Variants in SRGAP1 observed in about 807,000 individuals in gnomAD.
SRGAP1 encodes the protein SLIT-ROBO Rho GTPase activating protein 1, also known as SLIT-ROBO Rho GTPase-activating protein 1.
SRGAP1 carries 43 observed loss-of-function variants against 121.9 expected under a neutral mutation model. The ratio of observed to expected loss-of-function variants is 0.35; its 90% CI spans 0.28 to 0.46. The LOEUF is 0.46. Among genes scored for constraint, SRGAP1 ranks in the 20% least tolerant of loss-of-function variants. SRGAP1 has a pLI of 1.00. For missense variants in SRGAP1, 1,102 were observed against 1,350.9 expected (o/e 0.82, Z 2.89); for synonymous variants, 447 against 485.4 (o/e 0.92, Z 1.04).
intron 3 of SRGAP1, among the ~76,000 whole-genome samples, chr12:64,010,742 A>G (rs888466490): frequency 2.6e-5 from 4 of 152,092 alleles, no homozygotes; most frequent in African/African-American, 9.7e-5. Context: ...GACCATCTCA[A>G]TAAAACCCTG....
intron 1 of SRGAP1, among the ~76,000 whole-genome samples, chr12:63,927,337 C>T (rs1371836466): frequency 6.6e-6 from 1 of 152,212 alleles, no homozygotes; most frequent in Non-Finnish European, 1.5e-5. Flanking sequence ...CAGTCCCTGG[C>T]TGGCCCAGTC....
At chr12:64,024,836 A>C (rs2034618972) in intron 4 of SRGAP1, among the ~76,000 whole-genome samples, 1 of 152,138 alleles carries the variant, frequency 6.6e-6, no homozygotes, top group African/African-American at 2.4e-5. Flanking sequence ...AAACCACCAG[A>C]TCTCCTGAGA....
At position 64,147,155 on chromosome 12, in the gene SRGAP1, C is replaced by T. The variant is rs1412098741; in HGVS notation, c.*4483C>T. The T allele has an allele frequency of 4.5e-6, 1 of 221,668 alleles. No individual in the cohort carries two copies. Among genetic ancestry groups the T allele is most frequent in the Admixed American group, 5.8e-5 (1 of 17,214 alleles). The allele number at this position is 221,668 out of a possible 1,614,324, so 13.7% of individuals were successfully genotyped here. ...GGAGAGACTGCTGTTTACCTACGTA[C>T]TGAAGGGTAACTGCTGCCCGCGTAA... On this transcript the variant is annotated 3_prime_UTR_variant, in exon 22 of 22. Transcript: ENST00000355086.
chr12:63,898,332 C>T (rs1196967492), intron 1 of SRGAP1, among the ~76,000 whole-genome samples: 1 of 152,172 alleles, frequency 6.6e-6, no homozygotes. Context: ...CTCAGGACAT[C>T]CCATTTCTAA....
At chr12:64,029,856 C>T (rs181820618) in intron 4 of SRGAP1, among the ~76,000 whole-genome samples, 21 of 119,614 alleles carry the variant, frequency 1.8e-4, no homozygotes, top group African/African-American at 6.6e-4. Context: ...TACAGTGAAC[C>T]GAGATCTTGC....
At chr12:64,037,536 C>A (rs936050822) in intron 4 of SRGAP1, among the ~76,000 whole-genome samples, 2 of 152,218 alleles carry the variant, frequency 1.3e-5, no homozygotes, top group African/African-American at 4.8e-5. Context: ...ATACATTATG[C>A]CCTTCTTAGT....
intron 18 of SRGAP1, among the ~76,000 whole-genome samples, chr12:64,123,802 C>A (rs2136633258): frequency 6.6e-6 from 1 of 152,046 alleles, no homozygotes; most frequent in South Asian, 2.1e-4. Flanking sequence ...AGAGCCACTG[C>A]ACCCAGCCAC....
intron 21 of SRGAP1, among the ~76,000 whole-genome samples, chr12:64,135,213 C>T (rs145303476): frequency 0.023 from 3,479 of 152,284 alleles, 74 homozygotes; most frequent in African/African-American, 0.047. Flanking sequence ...CACACATCCC[C>T]ATTCCAAGTT....
At chr12:64,068,474 A>AACAGG (rs2136544872) in intron 8 of SRGAP1, among the ~76,000 whole-genome samples, 1 of 149,770 alleles carries the variant, frequency 6.7e-6, no homozygotes, top group South Asian at 2.1e-4. Flanking sequence ...AGCTGGGACT[A>AACAGG]CAAGTGTTAA....
At chr12:63,957,953 A>C (rs1345389408) in intron 1 of SRGAP1, among the ~76,000 whole-genome samples, 1 of 152,184 alleles carries the variant, frequency 6.6e-6, no homozygotes, top group Non-Finnish European at 1.5e-5. Flanking sequence ...CACGAGGACA[A>C]AGTGCATAGT....
intron 1 of SRGAP1, among the ~76,000 whole-genome samples, chr12:63,948,810 CAT>C (rs1455333341): frequency 7.3e-6 from 1 of 136,670 alleles, no homozygotes; most frequent in Non-Finnish European, 1.6e-5. Context: ...ATATATATTC[CAT>C]ATATATGTTT....
chr12:64,067,914 G>A (rs533278851), intron 8 of SRGAP1, among the ~76,000 whole-genome samples: 160 of 150,920 alleles, frequency 1.1e-3, no homozygotes, highest in Non-Finnish European at 2.0e-3. Flanking sequence ...ATGGGACCCT[G>A]TCTCCCAAAA....
chr12:64,044,672 C>CTCTTT (rs556925492), intron 6 of SRGAP1, among the ~76,000 whole-genome samples: 2 of 70,648 alleles, frequency 2.8e-5, no homozygotes, highest in Non-Finnish European at 7.2e-5. Context: ...TCTGATGTGC[C>CTCTTT]TCTTTTTTTT....
intron 17 of SRGAP1, among the ~76,000 whole-genome samples, chr12:64,113,587 G>T (rs2036468636): frequency 6.6e-6 from 1 of 152,104 alleles, no homozygotes; most frequent in Non-Finnish European, 1.5e-5. Flanking sequence ...ATTACACATT[G>T]TATATGGGTA....
At chr12:63,884,009 C>T (rs1429699556) in intron 1 of SRGAP1, among the ~76,000 whole-genome samples, 1 of 135,560 alleles carries the variant, frequency 7.4e-6, no homozygotes, top group South Asian at 2.7e-4. Flanking sequence ...GCAGGCCAGG[C>T]GCGGTAGCTC....
At chr12:63,977,508 G>GT (rs2033125229) in intron 1 of SRGAP1, among the ~76,000 whole-genome samples, 1 of 152,144 alleles carries the variant, frequency 6.6e-6, no homozygotes, top group Admixed American at 6.6e-5. Context: ...CAATCTTTCC[G>GT]TGAAATATGT....
chr12:63,953,247 G>A (rs1205693066), intron 1 of SRGAP1, among the ~76,000 whole-genome samples: 1 of 152,136 alleles, frequency 6.6e-6, no homozygotes, highest in Admixed American at 6.5e-5. Context: ...GAGACAGAAG[G>A]TAAACCATAT....
intron 4 of SRGAP1, among the ~76,000 whole-genome samples, chr12:64,038,097 A>C (rs759948079): frequency 6.6e-6 from 1 of 152,194 alleles, no homozygotes; most frequent in South Asian, 2.1e-4. Context: ...GACAAGTTAC[A>C]TAACCTCTCT....
At chr12:64,110,575 G>A (rs961410979) in intron 16 of SRGAP1, among the ~76,000 whole-genome samples, 5 of 152,158 alleles carry the variant, frequency 3.3e-5, no homozygotes, top group African/African-American at 1.2e-4. Flanking sequence ...TTTACATCAA[G>A]TTTCTGTTTG....
Sources: gnomAD v4.1 joint callset for allele counts (sites outside exome capture counted in the v4.1 genomes callset) on GRCh38, gnomAD v4.1.1 for gene constraint, MANE v1.5 for transcripts, NCBI Gene and HGNC (gene_info 2026-07-23, HGNC 2026-07-21) for gene names.